TSPEAR: variants seen among roughly 807,000 people sequenced by gnomAD.
The protein encoded by TSPEAR is thrombospondin-type laminin G domain and EAR repeat-containing protein.
TSPEAR carries 69 observed loss-of-function variants against 71.6 expected under a neutral mutation model. The observed-to-expected ratio is 0.96, with a 90% CI of 0.79 to 1.18. The LOEUF (loss-of-function observed/expected upper bound fraction) is 1.18. Ranked by LOEUF, TSPEAR falls within the 50% of genes most tolerant of loss-of-function variation. The pLI is 0.00. For synonymous variants in TSPEAR, 402 were observed against 387.2 expected, an observed-to-expected ratio of 1.04 and a Z score of -0.45; for missense variants, 971 against 894.9, an observed-to-expected ratio of 1.09 and a Z score of -1.09.
Position 44,711,499 on chromosome 21 carries a change from T to C in TSPEAR, c.16A>G (p.Ser6Gly). 1 of 1,611,686 alleles carries C rather than the reference T, an allele frequency of 6.2e-7. No individual in the cohort carries two copies. The highest frequency in any genetic ancestry group is 8.5e-7 in the Non-Finnish European group (1 of 1,179,326). MSALL[S>G]LCFVLPLAAP... is the part of the protein sequence containing the mutation. The stretch of plus-strand genomic sequence containing the variant: ...GCCAGGGGCAGCACAAAACACAGAC[T>C]CAGCAGGGCAGACATGAGGGGCTTG... The change falls in exon 1 of 12, where the codon AGT (serine) becomes GGT (glycine). Residue 6 changes from serine (S) to glycine (G), a missense_variant. Physicochemically the swap from Ser to Gly is moderately conservative, Grantham distance 56. Coordinates refer to ENST00000323084, the MANE Select transcript of TSPEAR (RefSeq NM_144991.3). The surrounding 1 kb of genome is among the most constrained non-coding windows in gnomAD (Gnocchi z 4.5).
intron 1 of TSPEAR, chr21:44,646,898 G>A: frequency 6.2e-7 from 1 of 1,613,144 alleles, no homozygotes; most frequent in Non-Finnish European, 8.5e-7. Context: ...CCGGCCTGCT[G>A]TGTGCCCGTC....
intron 1 of TSPEAR, chr21:44,658,199 G>A: frequency 6.2e-7 from 1 of 1,614,020 alleles, no homozygotes; most frequent in South Asian, 1.1e-5. Context: ...CCAATCTTCG[G>A]GGTGCTGCCA....
chr21:44,550,177 G>A (rs1264284260), intron 2 of TSPEAR, among the ~76,000 whole-genome samples: 5 of 152,260 alleles, frequency 3.3e-5, no homozygotes, highest in Non-Finnish European at 7.3e-5. Flanking sequence ...ACCTGGGAGG[G>A]GAGCCGGACA....
rs587763036 is a variant in TSPEAR at position 44,571,313 on chromosome 21, G to A, written c.83-3308C>T. On this transcript the variant is annotated intron_variant, in intron 1 of 11. Transcript: ENST00000323084. ...AATCCTCCTGCCTTGGCCTCCCAAA[G>A]TGCTGGAATTACAGGCATGAGCCAC... Among the ~76,000 whole-genome samples, 3 of 152,364 alleles carry A rather than the reference G, an allele frequency of 2.0e-5. No individual in the cohort carries two copies. In the East Asian group the frequency reaches 5.8e-4, roughly 29 times the overall value.
intron 11 of TSPEAR, among the ~76,000 whole-genome samples, chr21:44,504,443 G>A (rs1420302638): frequency 6.9e-6 from 1 of 145,658 alleles, no homozygotes; most frequent in African/African-American, 2.6e-5. Flanking sequence ...GCCTCAGTGA[G>A]CCCACAGTGG....
At chr21:44,626,132 C>T (rs764551379) in intron 1 of TSPEAR, among the ~76,000 whole-genome samples, 8 of 152,204 alleles carry the variant, frequency 5.3e-5, no homozygotes, top group Non-Finnish European at 1.0e-4. Context: ...ATACGTCTTA[C>T]TTTATAATGA....
rs781887204 is a variant in TSPEAR, at chr21:44,503,093, C to T, written c.1856+1687G>A. Among the ~76,000 whole-genome samples the T allele has an allele frequency of 9.8e-4, 136 of 138,280 alleles. 1 individual carries two copies. The highest frequency in any genetic ancestry group is 1.4e-3 in the Admixed American group (19 of 13,988). 90.7% of individuals were successfully genotyped at this position (138,280 alleles called of 152,430 possible). Reference sequence around the variant, plus strand: ...GGTGAGCCCTCAGGGGGAAGCAAGACTCTGGGAGGAGGCCGGCCTCGGTGA... The same window carrying T: ...GGTGAGCCCTCAGGGGGAAGCAAGATTCTGGGAGGAGGCCGGCCTCGGTGA... On this transcript the variant is annotated intron_variant, in intron 11 of 11. Coordinates refer to ENST00000323084, the MANE Select transcript of TSPEAR (RefSeq NM_144991.3).
intron 8 of TSPEAR, among the ~76,000 whole-genome samples, chr21:44,523,462 A>C (rs910478272): frequency 6.7e-6 from 1 of 150,300 alleles, no homozygotes; most frequent in Non-Finnish European, 1.5e-5. Context: ...TAATAAGGTA[A>C]TCAGTCAGTC....
intron 1 of TSPEAR, among the ~76,000 whole-genome samples, chr21:44,570,121 G>A (rs755215009): frequency 2.4e-4 from 37 of 152,264 alleles, no homozygotes; most frequent in Non-Finnish European, 4.9e-4. Flanking sequence ...AGGAAACGTG[G>A]GGGCCACCAT....
intron 1 of TSPEAR, chr21:44,702,077 C>T (rs782569599): frequency 1.5e-5 from 11 of 744,294 alleles, no homozygotes; most frequent in Non-Finnish European, 2.4e-5. Flanking sequence ...CCGTCACACA[C>T]GTTCCTATGA....
At chr21:44,626,209 T>C (rs1982766644) in intron 1 of TSPEAR, among the ~76,000 whole-genome samples, 1 of 152,250 alleles carries the variant, frequency 6.6e-6, no homozygotes, top group Non-Finnish European at 1.5e-5. Context: ...TATAATTAGC[T>C]GCTGGGTAGC....
intron 1 of TSPEAR, among the ~76,000 whole-genome samples, chr21:44,631,056 G>A (rs1310131868): frequency 6.8e-6 from 1 of 146,254 alleles, no homozygotes; most frequent in Non-Finnish European, 1.5e-5. Flanking sequence ...AAGCAAGAAT[G>A]TATGGTTCAT....
chr21:44,680,089 G>A (rs1555947682), intron 1 of TSPEAR, among the ~76,000 whole-genome samples: 1 of 152,210 alleles, frequency 6.6e-6, no homozygotes, highest in African/African-American at 2.4e-5. Context: ...AATCAACAGA[G>A]TGAAGAGACA....
In TSPEAR at chr21:44,521,874, G is replaced by C. The variant is rs1258208351; in HGVS notation, c.1566+9C>G. On this transcript the variant is annotated intron_variant, in intron 9 of 11. Transcript: ENST00000323084. The stretch of plus-strand genomic sequence containing the variant: ...AATGGAGAGCCGGGGCTCATGCGGG[G>C]GGCCTTACCGGGAAGGACTGGAAGA... The C allele has an allele frequency of 1.2e-6, 2 of 1,611,970 alleles. No homozygotes were observed. Among genetic ancestry groups the C allele is most frequent in the Non-Finnish European group, 1.7e-6 (2 of 1,178,816 alleles).
In TSPEAR at chr21:44,593,382, T is replaced by C. The variant is rs1241336691; in HGVS notation, c.83-25377A>G. Reference sequence around the variant, plus strand: ...TGCCAGGCCTCTTAGTGTCACCACCTTAAAATTAAGGGACATCTGTCCAAA... The same window carrying C: ...TGCCAGGCCTCTTAGTGTCACCACCCTAAAATTAAGGGACATCTGTCCAAA... On this transcript the variant is annotated intron_variant, in intron 1 of 11. Coordinates refer to ENST00000323084, the MANE Select transcript of TSPEAR (RefSeq NM_144991.3). This position sits in a 1 kb window ranked among gnomAD's most constrained non-coding sequence, Gnocchi z 5.9. 3.3e-5 allele frequency among the ~76,000 whole-genome samples: 5 copies of C among 152,128 alleles called. No individual in the cohort carries two copies. The highest frequency in any genetic ancestry group is 1.2e-4 in the African/African-American group (5 of 41,422).
At position 44,593,607 on chromosome 21, in the gene TSPEAR, C is replaced by G. The variant is rs778671603; in HGVS notation, c.83-25602G>C. 1.3e-5 allele frequency among the ~76,000 whole-genome samples: 2 copies of G among 152,144 alleles called. No individual in the cohort carries two copies. Among genetic ancestry groups the G allele is most frequent in the Non-Finnish European group, 2.9e-5 (2 of 68,038 alleles). ...AGACACGCCTCGTTACACCCCCTCC[C>G]TTTAGGGTTTCGACACAACCACTAC... is the stretch of plus-strand genomic sequence containing the variant. On this transcript the variant is annotated intron_variant, in intron 1 of 11. Coordinates refer to ENST00000323084, the MANE Select transcript of TSPEAR (RefSeq NM_144991.3). This position sits in a 1 kb window ranked among gnomAD's most constrained non-coding sequence, Gnocchi z 5.9.
chr21:44,653,272 A>T (rs1020946360), intron 1 of TSPEAR, among the ~76,000 whole-genome samples: 12 of 152,148 alleles, frequency 7.9e-5, no homozygotes, highest in Non-Finnish European at 1.6e-4. Flanking sequence ...CCTGCCCCCA[A>T]ACCCGGATGT....
At chr21:44,637,422 C>G in intron 1 of TSPEAR, 1 of 1,602,172 alleles carries the variant, frequency 6.2e-7, no homozygotes, top group Non-Finnish European at 8.5e-7. Context: ...TCCAGCATGG[C>G]CGCCTCCACC....
chr21:44,693,140 A>C (rs1433136845), intron 1 of TSPEAR, among the ~76,000 whole-genome samples: 1 of 152,206 alleles, frequency 6.6e-6, no homozygotes, highest in African/African-American at 2.4e-5. Flanking sequence ...TGGTGTTAGG[A>C]AAACTAGATT....
Sources: gnomAD v4.1 joint callset for allele counts (sites outside exome capture counted in the v4.1 genomes callset) on GRCh38, gnomAD v4.1.1 for gene constraint, Gnocchi (gnomAD v3.1) non-coding constraint, MANE v1.5 for transcripts, NCBI Gene and HGNC (gene_info 2026-07-23, HGNC 2026-07-21) for gene names.